Variants in PDGFD observed in about 807,000 individuals in gnomAD.
PDGFD encodes the protein platelet derived growth factor D.
PDGFD carries 30 observed loss-of-function variants against 44.7 expected under a neutral mutation model. The ratio of observed to expected loss-of-function variants is 0.67; its 90% CI spans 0.50 to 0.91. The LOEUF (loss-of-function observed/expected upper bound fraction) is 0.91. PDGFD is among the 40% of genes least tolerant of loss of function. The probability of loss-of-function intolerance (pLI) is 0.00; values close to 1 mark genes in which losing one functional copy is unlikely to be tolerated. For missense variants in PDGFD, 445 were observed against 457.8 expected (o/e 0.97, Z 0.25); for synonymous variants, 173 against 168.4 (o/e 1.03, Z -0.21).
At chr11:104,144,575 C>T (rs1337257544) in intron 1 of PDGFD, among the ~76,000 whole-genome samples, 1 of 145,952 alleles carries the variant, frequency 6.9e-6, no homozygotes, top group Non-Finnish European at 1.5e-5. Flanking sequence ...CTGAACACAA[C>T]TTGGCAGAGA....
intron 6 of PDGFD, among the ~76,000 whole-genome samples, chr11:103,923,471 G>C (rs936647984): frequency 1.3e-5 from 2 of 152,184 alleles, no homozygotes; most frequent in Non-Finnish European, 2.9e-5. Flanking sequence ...AGCCTGTTAT[G>C]TGACAAGGTC....
intron 5 of PDGFD, among the ~76,000 whole-genome samples, chr11:103,942,677 C>T (rs1858604546): frequency 6.6e-6 from 1 of 152,048 alleles, no homozygotes; most frequent in Non-Finnish European, 1.5e-5. Context: ...TGAAATTTTC[C>T]AACAAAGTTT....
intron 1 of PDGFD, among the ~76,000 whole-genome samples, chr11:104,092,808 GA>G (rs945577987): frequency 6.6e-6 from 1 of 152,130 alleles, no homozygotes; most frequent in Non-Finnish European, 1.5e-5. Context: ...TGATTACCCA[GA>G]AGAAAATAGA....
chr11:103,951,127 A>G (rs1858749495), intron 3 of PDGFD, among the ~76,000 whole-genome samples: 1 of 152,140 alleles, frequency 6.6e-6, no homozygotes, highest in Non-Finnish European at 1.5e-5. Context: ...ATCTTCTCTT[A>G]GCAATACAAA....
intron 1 of PDGFD, among the ~76,000 whole-genome samples, chr11:104,133,251 G>A (rs976935101): frequency 1.1e-4 from 16 of 152,160 alleles, no homozygotes; most frequent in African/African-American, 3.6e-4. Context: ...TCCTACTTTC[G>A]ATTAATATAC....
intron 1 of PDGFD, among the ~76,000 whole-genome samples, chr11:104,028,687 C>G (rs991071122): frequency 2.0e-5 from 3 of 148,540 alleles, no homozygotes; most frequent in Admixed American, 6.8e-5. Flanking sequence ...CCACCACAAC[C>G]CTGCATTCTA....
chr11:104,069,077 C>T (rs1860836121), intron 1 of PDGFD, among the ~76,000 whole-genome samples: 2 of 152,176 alleles, frequency 1.3e-5, no homozygotes, highest in Admixed American at 6.5e-5. Context: ...TCTATAAGAG[C>T]AAACAAAAAT....
At chr11:103,930,389 T>C (rs1858382835) in intron 5 of PDGFD, among the ~76,000 whole-genome samples, 1 of 152,028 alleles carries the variant, frequency 6.6e-6, no homozygotes, top group Non-Finnish European at 1.5e-5. Context: ...ATATTAGGTG[T>C]GGGAGGAAGG....
chr11:104,015,791 G>C (rs1859851664), intron 1 of PDGFD, among the ~76,000 whole-genome samples: 1 of 152,092 alleles, frequency 6.6e-6, no homozygotes, highest in African/African-American at 2.4e-5. Flanking sequence ...GTCCAATTTA[G>C]CCATTCACCC....
At chr11:104,023,799 T>G (rs1010980289) in intron 1 of PDGFD, among the ~76,000 whole-genome samples, 1 of 152,164 alleles carries the variant, frequency 6.6e-6, no homozygotes, top group Non-Finnish European at 1.5e-5. Context: ...TCACAGCTTA[T>G]GCATTTACTG....
intron 1 of PDGFD, among the ~76,000 whole-genome samples, chr11:104,105,079 A>G (rs979500959): frequency 1.3e-5 from 2 of 152,190 alleles, no homozygotes; most frequent in African/African-American, 2.4e-5. Flanking sequence ...GACATTACTC[A>G]TATAAGTAAC....
At chr11:104,151,349 CA>C (rs1371573638) in intron 1 of PDGFD, among the ~76,000 whole-genome samples, 9 of 151,952 alleles carry the variant, frequency 5.9e-5, no homozygotes, top group Admixed American at 5.2e-4. Context: ...GTAAATAGTA[CA>C]AAGTAGTAAA....
intron 5 of PDGFD, among the ~76,000 whole-genome samples, chr11:103,939,244 G>A (rs1172169738): frequency 6.6e-6 from 1 of 152,114 alleles, no homozygotes; most frequent in African/African-American, 2.4e-5. Flanking sequence ...GCAGTGGTTT[G>A]TAGTTCTCCT....
rs4754097 is a variant in PDGFD at position 103,982,766 on chromosome 11, C to T, written c.510+13299G>A. ...CAAAAATCACTAGCATTCTTAGACA[C>T]CAACAACAGGCAAGCTGAGAGCCAA... On this transcript the variant is annotated intron_variant, in intron 3 of 6. Transcript: ENST00000393158. Among the ~76,000 whole-genome samples, 1,135 of 151,860 alleles carry T rather than the reference C, an allele frequency of 7.5e-3. 22 individuals carry two copies. The highest frequency in any genetic ancestry group is 0.024 in the Admixed American group (371 of 15,248).
intron 1 of PDGFD, among the ~76,000 whole-genome samples, chr11:104,141,543 T>C (rs1448779490): frequency 6.6e-6 from 1 of 152,138 alleles, no homozygotes; most frequent in Non-Finnish European, 1.5e-5. Flanking sequence ...CAAGAAATCC[T>C]CTTGCCTCAG....
At chr11:104,106,348 A>C (rs566367427) in intron 1 of PDGFD, among the ~76,000 whole-genome samples, 11 of 152,314 alleles carry the variant, frequency 7.2e-5, no homozygotes, top group African/African-American at 2.6e-4. Context: ...AGTATAGCCA[A>C]ACTAATACCA....
At chr11:104,072,886 T>C (rs1004363761) in intron 1 of PDGFD, among the ~76,000 whole-genome samples, 1 of 152,074 alleles carries the variant, frequency 6.6e-6, no homozygotes, top group Admixed American at 6.5e-5. Context: ...AAATGTCTAA[T>C]AGTGAAACAT....
intron 1 of PDGFD, among the ~76,000 whole-genome samples, chr11:104,121,425 AATATC>A (rs1346580476): frequency 6.6e-6 from 1 of 152,062 alleles, no homozygotes; most frequent in Non-Finnish European, 1.5e-5. Flanking sequence ...AACTAGAAAG[AATATC>A]ATAGAGGTCA....
intron 1 of PDGFD, among the ~76,000 whole-genome samples, chr11:104,053,550 G>A (rs1469257009): frequency 6.6e-6 from 1 of 152,134 alleles, no homozygotes; most frequent in African/African-American, 2.4e-5. Context: ...TTAATTAGCT[G>A]TAATAACTAT....
Sources: allele counts gnomAD v4.1 joint callset (sites outside exome capture counted in the v4.1 genomes callset), GRCh38; gene constraint gnomAD v4.1.1; transcripts MANE v1.5; gene names NCBI Gene and HGNC (gene_info 2026-07-23, HGNC 2026-07-21).